Variants in ZNF132 observed in about 807,000 individuals in gnomAD.
The protein encoded by ZNF132 is zinc finger protein 132 (clone pHZ-12).
A neutral mutation model predicts 9.3 loss-of-function variants in ZNF132; 6 were observed. That is an observed-to-expected ratio of 0.65 (90% CI 0.35 to 1.28). The LOEUF is 1.28. Ranked by LOEUF, ZNF132 falls within the 50% of genes most tolerant of loss-of-function variation. The pLI is 0.03. For synonymous variants in ZNF132, 296 were observed against 292.0 expected (o/e 1.01, Z -0.14); for missense variants, 877 against 843.2 (o/e 1.04, Z -0.50).
In ZNF132 at chr19:58,434,566, C is replaced by G; in HGVS notation, c.878G>C (p.Cys293Ser). ...ACTAAAGGCCTTCCCACACTCCTTA[C>G]ACACATGGGGTATTTCCCCAGTGTG... ...KFHTGEIPHV[C>S]KECGKAFSHS... Residue 293 changes from cysteine (C) to serine (S), a missense_variant, in exon 3 of 3, where the codon TGT (cysteine) becomes TCT (serine). Coordinates refer to ENST00000254166, the MANE Select transcript of ZNF132 (RefSeq NM_003433.4). The G allele has an allele frequency of 6.2e-7, 1 of 1,614,106 alleles. No individual in the cohort carries two copies. The highest frequency in any genetic ancestry group is 8.5e-7 in the Non-Finnish European group (1 of 1,179,958).
In ZNF132 at chr19:58,433,050, G is replaced by A; in HGVS notation, c.*273C>T. The A allele has an allele frequency of 2.8e-6, 1 of 353,256 alleles. No individual in the cohort carries two copies. The highest frequency in any genetic ancestry group is 5.2e-6 in the Non-Finnish European group (1 of 191,260). The allele number at this position is 353,256 out of a possible 1,614,324, so 21.9% of individuals were successfully genotyped here. A position where few individuals can be genotyped will look rare whatever the true frequency, so the allele number is the denominator to read the frequency against. The stretch of plus-strand genomic sequence containing the variant: ...ATCCCTAGAGAACACAGGAAGGAAG[G>A]CTCAGGGTACTGTTTTCCCCATGCA... On this transcript the variant is annotated 3_prime_UTR_variant, in exon 3 of 3. Transcript: ENST00000254166.
chr19:58,437,097 T>C lies in ZNF132; in HGVS notation c.182A>G (p.His61Arg). 6.2e-7 allele frequency: 1 copy of C among 1,614,114 alleles called. No individual in the cohort carries two copies. Among genetic ancestry groups the C allele is most frequent in the South Asian group, 1.1e-5 (1 of 91,080 alleles). ...EWELLDAAQRHLYHSVMLENL... is the reference protein window; with the variant it reads ...EWELLDAAQRRLYHSVMLENL... ...TTCCAGCATCACACTGTGGTACAGG[T>C]GCCTCTGGGCTGCATCAAGGAGCTC... The change falls in exon 2 of 3, where the codon CAC (histidine) becomes CGC (arginine). Residue 61 changes from histidine (H) to arginine (R), a missense_variant. Coordinates refer to ENST00000254166, the MANE Select transcript of ZNF132 (RefSeq NM_003433.4).
At chr19:58,435,371 T>C in intron 2 of ZNF132, 160 bp from the exon 3 acceptor site, 1 of 798,498 alleles carries the variant, frequency 1.3e-6, no homozygotes, top group Non-Finnish European at 1.9e-6. Flanking sequence ...CCCATTACTA[T>C]TGGCAGGATA....
rs772522046 is a variant in ZNF132, at chr19:58,433,694, A to T, written c.1750T>A (p.Ser584Thr). ...ACTTTCTGATGCTTAATGAGAATGG[A>T]GTTTTGGCTAAAGAATTTCCCACAT... ...NECGKFFSQN[S>T]ILIKHQKVHT... The change falls in exon 3 of 3, where the codon TCC becomes ACC. Residue 584 changes from serine to threonine, a missense_variant. By Grantham distance (58) the Ser-to-Thr change is moderately conservative. Transcript: ENST00000254166. The T allele has an allele frequency of 1.9e-6, 3 of 1,610,172 alleles. No homozygotes were observed. In the East Asian group the frequency reaches 6.7e-5, roughly 36 times the overall value.
Position 58,434,062 on chromosome 19 carries a change from C to T in ZNF132, c.1382G>A (p.Cys461Tyr). 2.5e-6 allele frequency: 4 copies of T among 1,614,148 alleles called. No homozygotes were observed. The highest frequency in any genetic ancestry group is 3.4e-6 in the Non-Finnish European group (4 of 1,180,016). The change falls in exon 3 of 3, where the codon TGC becomes TAC. Residue 461 changes from cysteine (C) to tyrosine (Y), a missense_variant. Physicochemically the swap from Cys to Tyr is radical, Grantham distance 194 (BLOSUM62 -2). Transcript: ENST00000254166. ...KVHTGERPFE[C>Y]SECGRDFSQS... ...GCTGAAGTCTCTTCCACATTCACTGCACTCAAAAGGCCGTTCTCCGGTGTG... is the reference window on the plus strand; with the variant it reads ...GCTGAAGTCTCTTCCACATTCACTGTACTCAAAAGGCCGTTCTCCGGTGTG...
Position 58,434,659 on chromosome 19 carries a change from A to G in ZNF132, c.785T>C (p.Ile262Thr), listed in dbSNP as rs1156505441. ...TCCACCTGTTGGGCATGTAAATGGT[A>G]TCTCTTCAGAGTGAGTTCTCAGATG... ...PNHLRTHSEE[I>T]PFTCPTGGNF... The change falls in exon 3 of 3, where the codon ATA (isoleucine) becomes ACA (threonine). Residue 262 changes from isoleucine to threonine, a missense_variant. By Grantham distance (89) the Ile-to-Thr change is moderately conservative. Transcript: ENST00000254166. The G allele has an allele frequency of 2.5e-6, 4 of 1,614,218 alleles. No homozygotes were observed. Among genetic ancestry groups the G allele is most frequent in the South Asian group, 2.2e-5 (2 of 91,076 alleles).
At position 58,434,820 on chromosome 19, in the gene ZNF132, G is replaced by A. The variant is rs1032076553; in HGVS notation, c.624C>T (p.Leu208=). The A allele has an allele frequency of 6.2e-7, 1 of 1,614,162 alleles. No individual in the cohort carries two copies. The highest frequency in any genetic ancestry group is 2.2e-5 in the East Asian group (1 of 44,886). ...GCCCACTGTCAACAGCTTGAAGCTG[G>A]AGGAGGTCACAGCTGCCCAGGATGA... ...GKVILGSCDL[L]QLQAVDSGQK... Residue 208 remains leucine (L), a synonymous_variant, in exon 3 of 3, where the codon CTC becomes CTT. Coordinates refer to ENST00000254166, the MANE Select transcript of ZNF132 (RefSeq NM_003433.4).
chr19:58,439,724 C>T (rs1018548474), intron 1 of ZNF132, 35 bp downstream of exon 1: 1 of 1,494,816 alleles, frequency 6.7e-7, no homozygotes, highest in Non-Finnish European at 8.9e-7. Context: ...GGCCGGAATC[C>T]CAGCGGGTGA....
At chr19:58,435,792 G>C (rs1159776108) in intron 2 of ZNF132, 1 of 152,720 alleles carries the variant, frequency 6.5e-6, no homozygotes, top group Non-Finnish European at 1.5e-5. Flanking sequence ...TAAAATTTGA[G>C]ATGGGGTCTT....
intron 1 of ZNF132, among the ~76,000 whole-genome samples, chr19:58,438,818 T>A (rs2052786906): frequency 6.6e-6 from 1 of 151,128 alleles, no homozygotes; most frequent in Non-Finnish European, 1.5e-5. Context: ...TCACTCAGGC[T>A]GGAGCGCAGT....
rs770057351 is a variant in ZNF132, at chr19:58,433,890, G to A, written c.1554C>T (p.Ser518=). ...TGCGGCTGAAGGATTTCCTACATTC[G>A]CTGCACTCATAAGGCCTTTGCCCAG... ...VHTGQRPYEC[S]ECRKSFSRSS... is the part of the protein sequence containing the mutation. Residue 518 remains serine (S), a synonymous_variant, in exon 3 of 3, where the codon AGC becomes AGT. Transcript: ENST00000254166. 27 of 1,613,698 alleles carry A rather than the reference G, an allele frequency of 1.7e-5. No homozygotes were observed. The highest frequency in any genetic ancestry group is 2.3e-5 in the Non-Finnish European group (27 of 1,179,942).
rs1345651502 is a variant in ZNF132, at chr19:58,435,093, G to A, written c.351C>T (p.Asp117=). 1.2e-6 allele frequency: 2 copies of A among 1,614,060 alleles called. No individual in the cohort carries two copies. Among genetic ancestry groups the A allele is most frequent in the Non-Finnish European group, 1.7e-6 (2 of 1,180,040 alleles). The change falls in exon 3 of 3, where the codon GAC becomes GAT. Residue 117 remains aspartate (D), a synonymous_variant. Coordinates refer to ENST00000254166, the MANE Select transcript of ZNF132 (RefSeq NM_003433.4). ...TGTCTTTCAAGAATGGCCCACACAT[G>A]TCACAGGAGTTAGCTTTCTTGGTGG... ...DPSTKKANSC[D]MCGPFLKDIL... is the part of the protein sequence containing the mutation.
chr19:58,437,616 C>A (rs1269651306), intron 1 of ZNF132: 1 of 841,082 alleles, frequency 1.2e-6, no homozygotes, highest in Admixed American at 6.2e-5. Context: ...GGTTCACATT[C>A]TCTCACCTTT....
Position 58,439,910 on chromosome 19 carries a change from A to G in ZNF132, c.-89T>C. The G allele has an allele frequency of 7.2e-7, 1 of 1,382,892 alleles. No homozygotes were observed. The highest frequency in any genetic ancestry group is 9.8e-7 in the Non-Finnish European group (1 of 1,020,480). 85.7% of individuals were successfully genotyped at this position (1,382,892 alleles called of 1,614,324 possible). A position where few individuals can be genotyped will look rare whatever the true frequency, so the allele number is the denominator to read the frequency against. On this transcript the variant is annotated 5_prime_UTR_variant, in exon 1 of 3. Transcript: ENST00000254166. ...TCGCACTCAGGACCTGTCTTCCCAAATGCAAAATGCGCGCAAGGCCTCTGG... is the reference window on the plus strand; with the variant it reads ...TCGCACTCAGGACCTGTCTTCCCAAGTGCAAAATGCGCGCAAGGCCTCTGG...
chr19:58,436,911 A>G (rs368595118), intron 2 of ZNF132, 136 bp downstream of exon 2: 258 of 1,187,996 alleles, frequency 2.2e-4, no homozygotes, highest in Non-Finnish European at 3.0e-4. Flanking sequence ...GCAGAACCTC[A>G]GCACCCCAGC....
Position 58,434,007 on chromosome 19 carries a change from T to C in ZNF132, c.1437A>G (p.Lys479=), listed in dbSNP as rs775243968. Residue 479 remains lysine, a synonymous_variant, in exon 3 of 3, where the codon AAA becomes AAG. Transcript: ENST00000254166. ...SQSSHLLRHQ[K]VHTGERPFEC... is the part of the protein sequence containing the mutation. The stretch of plus-strand genomic sequence containing the variant: ...CAAAAGGCCGTTCTCCAGTGTGAAC[T>C]TTCTGATGTCGAAGGAGATGGGAGC... 72 of 1,614,080 alleles carry C rather than the reference T, an allele frequency of 4.5e-5. No homozygotes were observed. Among genetic ancestry groups the C allele is most frequent in the Non-Finnish European group, 6.0e-5 (71 of 1,180,028 alleles).
At chr19:58,439,211 T>A (rs1489063641) in intron 1 of ZNF132, among the ~76,000 whole-genome samples, 1 of 152,174 alleles carries the variant, frequency 6.6e-6, no homozygotes, top group Non-Finnish European at 1.5e-5. Flanking sequence ...AAAGCACACA[T>A]CTGGACCACA....
rs1171005532 is a variant in ZNF132, at chr19:58,433,016, C to A, written c.*307G>T. The A allele has an allele frequency of 5.2e-6, 2 of 382,340 alleles. No individual in the cohort carries two copies. The highest frequency in any genetic ancestry group is 9.4e-6 in the Non-Finnish European group (2 of 213,580). The allele number at this position is 382,340 out of a possible 1,614,324, so 23.7% of individuals were successfully genotyped here. ...CAACCAGCATCGGTTCAGCTGAGCA[C>A]AGTCCTGAATCCCTAGAGAACACAG... is the stretch of plus-strand genomic sequence containing the variant. On this transcript the variant is annotated 3_prime_UTR_variant, in exon 3 of 3. Coordinates refer to ENST00000254166, the MANE Select transcript of ZNF132 (RefSeq NM_003433.4).
chr19:58,438,690 G>A (rs1255702891), intron 1 of ZNF132, among the ~76,000 whole-genome samples: 1 of 151,578 alleles, frequency 6.6e-6, no homozygotes, highest in East Asian at 1.9e-4. Context: ...AGCCAGGATG[G>A]TCTCAATCTC....
Sources: allele counts gnomAD v4.1 joint callset (sites outside exome capture counted in the v4.1 genomes callset), GRCh38; gene constraint gnomAD v4.1.1; transcripts MANE v1.5; gene names NCBI Gene and HGNC (gene_info 2026-07-23, HGNC 2026-07-21).